NDST4: variants seen among roughly 807,000 people sequenced by gnomAD.
The protein encoded by NDST4 is N-deacetylase and N-sulfotransferase 4.
In NDST4, 63 loss-of-function variants were observed where a neutral mutation model predicts 100.8. The observed-to-expected ratio is 0.62, with a 90% CI of 0.51 to 0.77. The LOEUF (loss-of-function observed/expected upper bound fraction) is 0.77, where lower values mean the gene tolerates loss of function less well. NDST4 is among the 30% of genes least tolerant of loss of function. The probability of loss-of-function intolerance (pLI) is 0.00; values close to 1 mark genes in which losing one functional copy is unlikely to be tolerated. For missense variants in NDST4, 943 were observed against 1,018.4 expected, an observed-to-expected ratio of 0.93 and a Z score of 1.01; for synonymous variants, 377 against 361.8, an observed-to-expected ratio of 1.04 and a Z score of -0.48.
At chr4:114,963,179 C>CCCAAA (rs1726301940) in intron 4 of NDST4, among the ~76,000 whole-genome samples, 1 of 152,074 alleles carries the variant, frequency 6.6e-6, no homozygotes, top group South Asian at 2.1e-4. Context: ...TGTCTATGAA[C>CCCAAA]TGATAAGGAA....
chr4:114,862,776 A>G (rs777005415), intron 7 of NDST4, among the ~76,000 whole-genome samples: 6 of 152,144 alleles, frequency 3.9e-5, no homozygotes, highest in Non-Finnish European at 8.8e-5. Flanking sequence ...TTTTGGGGGA[A>G]GAGGATGACA....
intron 2 of NDST4, among the ~76,000 whole-genome samples, chr4:115,065,736 T>C (rs1728932812): frequency 6.6e-6 from 1 of 152,132 alleles, no homozygotes; most frequent in Admixed American, 6.6e-5. Context: ...GTGACTCCAG[T>C]GGTATCCTAT....
chr4:115,104,213 G>A (rs1729792344), intron 1 of NDST4, among the ~76,000 whole-genome samples: 3 of 152,082 alleles, frequency 2.0e-5, no homozygotes, highest in Admixed American at 2.0e-4. Context: ...TTAGAATATA[G>A]TTTATATCTT....
At chr4:115,043,446 C>T (rs1728396697) in intron 2 of NDST4, among the ~76,000 whole-genome samples, 1 of 152,026 alleles carries the variant, frequency 6.6e-6, no homozygotes, top group African/African-American at 2.4e-5. Context: ...ATAAATGATG[C>T]ACTCATGACT....
chr4:114,858,332 A>G (rs111777957), intron 7 of NDST4, among the ~76,000 whole-genome samples: 8,230 of 152,192 alleles, frequency 0.054, 668 homozygotes, highest in South Asian at 0.18. Context: ...TATCACCACT[A>G]TGAAAGGGCT....
chr4:114,882,171 T>C (rs1481531858), intron 6 of NDST4, among the ~76,000 whole-genome samples: 1 of 151,854 alleles, frequency 6.6e-6, no homozygotes, highest in Non-Finnish European at 1.5e-5. Flanking sequence ...AGTTTTCCTC[T>C]GGATCAAACT....
intron 7 of NDST4, among the ~76,000 whole-genome samples, chr4:114,857,809 C>A (rs1723830144): frequency 6.6e-6 from 1 of 152,106 alleles, no homozygotes; most frequent in African/African-American, 2.4e-5. Context: ...ACAGGACAGG[C>A]AACTTGAAGG....
chr4:115,092,786 TA>T (rs1461064181), intron 1 of NDST4, among the ~76,000 whole-genome samples: 1 of 152,024 alleles, frequency 6.6e-6, no homozygotes, highest in Non-Finnish European at 1.5e-5. Flanking sequence ...AATATTCAAT[TA>T]AAAAAATTTA....
At chr4:114,951,136 AGT>A (rs1725981187) in intron 4 of NDST4, among the ~76,000 whole-genome samples, 2 of 152,144 alleles carry the variant, frequency 1.3e-5, no homozygotes, top group Admixed American at 6.6e-5. Context: ...TCACACTGAA[AGT>A]GTAAATTTTT....
intron 7 of NDST4, among the ~76,000 whole-genome samples, chr4:114,869,419 G>T (rs967338550): frequency 5.9e-5 from 9 of 152,082 alleles, no homozygotes; most frequent in Admixed American, 3.3e-4. Context: ...TGTGACAAAA[G>T]AATTGATTTA....
chr4:115,016,674 G>T (rs1727684017), intron 2 of NDST4, among the ~76,000 whole-genome samples: 1 of 152,030 alleles, frequency 6.6e-6, no homozygotes, highest in Non-Finnish European at 1.5e-5. Context: ...GGAGGAAAGG[G>T]ATAATATGTA....
intron 2 of NDST4, among the ~76,000 whole-genome samples, chr4:115,011,817 T>G (rs1373713502): frequency 3.3e-5 from 5 of 151,972 alleles, no homozygotes; most frequent in Admixed American, 3.3e-4. Flanking sequence ...GAAAGCATAT[T>G]TATTGTACAA....
intron 7 of NDST4, among the ~76,000 whole-genome samples, chr4:114,860,694 T>G (rs1362196849): frequency 6.6e-6 from 1 of 152,212 alleles, no homozygotes; most frequent in Non-Finnish European, 1.5e-5. Context: ...GACAGTTACA[T>G]GAGTGAGAAA....
At chr4:114,933,931 G>T (rs1021951053) in intron 6 of NDST4, among the ~76,000 whole-genome samples, 4 of 152,060 alleles carry the variant, frequency 2.6e-5, no homozygotes, top group African/African-American at 9.7e-5. Context: ...TCATATTATG[G>T]AAAACACTAT....
intron 2 of NDST4, among the ~76,000 whole-genome samples, chr4:115,048,566 G>T (rs207464985): frequency 6.6e-6 from 1 of 152,030 alleles, no homozygotes; most frequent in Non-Finnish European, 1.5e-5. Flanking sequence ...GATTACACGC[G>T]TGAGCCACCG....
intron 2 of NDST4, among the ~76,000 whole-genome samples, chr4:114,996,601 G>A (rs994026420): frequency 7.2e-5 from 11 of 152,064 alleles, no homozygotes; most frequent in African/African-American, 2.7e-4. Context: ...CTAGGTTCTA[G>A]CTTCTGCATC....
chr4:114,995,827 G>C (rs1727147732), intron 2 of NDST4, among the ~76,000 whole-genome samples: 1 of 151,948 alleles, frequency 6.6e-6, no homozygotes, highest in Non-Finnish European at 1.5e-5. Context: ...GTAGAAACTT[G>C]GGTTGTCCAC....
At chr4:114,986,832 A>ATATATATATATATATTTTTTTTTT in intron 2 of NDST4, among the ~76,000 whole-genome samples, 20 of 94,658 alleles carry the variant, frequency 2.1e-4, no homozygotes, top group Non-Finnish European at 3.2e-4. Context: ...ATATATATAT[A>ATATATATATATATATTTTTTTTTT]TTTTAATATA....
chr4:114,981,216 TGGAAGGAAGGAA>T (rs61595600), intron 2 of NDST4, among the ~76,000 whole-genome samples: 14,338 of 137,040 alleles, frequency 0.1, 842 homozygotes, highest in Middle Eastern at 0.15. Context: ...GAAGAAAGGA[TGGAAGGAAGGAA>T]GGAAGGAAGG....
Sources: allele counts gnomAD v4.1 joint callset (sites outside exome capture counted in the v4.1 genomes callset), GRCh38; gene constraint gnomAD v4.1.1; transcripts MANE v1.5; gene names NCBI Gene and HGNC (gene_info 2026-07-23, HGNC 2026-07-21).